The following KCNN2 variants were observed in gnomAD, a reference collection of about 807,000 sequenced individuals.
KCNN2 encodes small conductance calcium-activated potassium channel protein 2.
In KCNN2, 24 loss-of-function variants were observed where a neutral mutation model predicts 55.5. That is an observed-to-expected ratio of 0.43 (90% CI 0.31 to 0.61). The LOEUF (loss-of-function observed/expected upper bound fraction) is 0.61, where lower values mean the gene tolerates loss of function less well. Ranked by LOEUF, KCNN2 falls within the 20% of genes least tolerant of loss-of-function variation. KCNN2 has a pLI of 0.08. For synonymous variants in KCNN2, 431 were observed against 336.1 expected (o/e 1.28, Z -3.09); for missense variants, 754 against 853.6 (o/e 0.88, Z 1.45).
intron 5 of KCNN2, among the ~76,000 whole-genome samples, chr5:114,474,525 A>G (rs554562058): frequency 6.6e-6 from 1 of 152,252 alleles, no homozygotes; most frequent in East Asian, 1.9e-4. Context: ...GCAGGGAAAA[A>G]GGTCAATGAG....
At chr5:114,251,348 G>C (rs1754855766) in intron 2 of KCNN2, among the ~76,000 whole-genome samples, 1 of 152,206 alleles carries the variant, frequency 6.6e-6, no homozygotes, top group Non-Finnish European at 1.5e-5. Context: ...AGCTTGGTTT[G>C]AATCCTCCTA....
At chr5:114,398,149 T>C (rs557332505) in intron 2 of KCNN2, among the ~76,000 whole-genome samples, 1 of 152,316 alleles carries the variant, frequency 6.6e-6, no homozygotes, top group South Asian at 2.1e-4. Context: ...GTACAGGGTT[T>C]TTATTGTTTG....
chr5:114,401,011 A>C (rs1490571002), intron 2 of KCNN2, among the ~76,000 whole-genome samples: 1 of 149,788 alleles, frequency 6.7e-6, no homozygotes, highest in Non-Finnish European at 1.5e-5. Flanking sequence ...TCCTAGCAAA[A>C]GTTAGTTTCA....
chr5:114,278,054 A>T (rs1358117601), intron 2 of KCNN2, among the ~76,000 whole-genome samples: 1 of 151,910 alleles, frequency 6.6e-6, no homozygotes, highest in Admixed American at 6.6e-5. Flanking sequence ...GATGTTGATG[A>T]TATTACTTTC....
In KCNN2 at chr5:114,404,456, G is replaced by T; in HGVS notation, c.1237G>T (p.Gly413Ter). 1 of 1,612,818 alleles carries T rather than the reference G, an allele frequency of 6.2e-7. No individual in the cohort carries two copies. The stretch of plus-strand genomic sequence containing the variant: ...TTTTCAGTTGTTCATGGTGGACAAT[G>T]GAGCAGATGACTGGAGAATAGCCAT... ...REIQLFMVDN[G>*]ADDWRIAMTY... Residue 413 changes from glycine to a stop codon, truncating the protein, a stop_gained, in exon 3 of 8, where the codon GGA becomes TGA. Coordinates refer to ENST00000673685, the MANE Select transcript of KCNN2 (RefSeq NM_021614.4). LOFTEE classifies it high-confidence loss of function.
intron 2 of KCNN2, among the ~76,000 whole-genome samples, chr5:114,254,889 A>C (rs1340191997): frequency 6.6e-6 from 1 of 152,164 alleles, no homozygotes; most frequent in African/African-American, 2.4e-5. Flanking sequence ...CCTGTACATA[A>C]TTACATTGAA....
At chr5:114,397,158 AT>A (rs1284497787) in intron 2 of KCNN2, among the ~76,000 whole-genome samples, 1 of 152,082 alleles carries the variant, frequency 6.6e-6, no homozygotes. Flanking sequence ...TGTCTTTGCT[AT>A]TGTGAATACT....
chr5:114,059,714 C>G (rs1342453642), intron 1 of KCNN2, among the ~76,000 whole-genome samples: 1 of 152,118 alleles, frequency 6.6e-6, no homozygotes, highest in African/African-American at 2.4e-5. Context: ...TTACGAGACC[C>G]CAGAGCTACT....
chr5:114,314,128 G>A (rs538364392), intron 2 of KCNN2, among the ~76,000 whole-genome samples: 1 of 152,188 alleles, frequency 6.6e-6, no homozygotes, highest in South Asian at 2.1e-4. Context: ...ACAAAATGAG[G>A]TGGGAGCCGC....
intron 2 of KCNN2, among the ~76,000 whole-genome samples, chr5:114,395,031 A>G (rs558529626): frequency 1.3e-5 from 2 of 152,164 alleles, no homozygotes; most frequent in African/African-American, 4.8e-5. Flanking sequence ...TTGCTGAGCA[A>G]TGCCCTGGAT....
intron 2 of KCNN2, among the ~76,000 whole-genome samples, chr5:114,276,532 AT>A (rs1755491318): frequency 6.6e-6 from 1 of 152,000 alleles, no homozygotes; most frequent in African/African-American, 2.4e-5. Flanking sequence ...GTGCATATAT[AT>A]TTAGGATAGT....
chr5:114,189,686 T>A (rs1262515003), intron 1 of KCNN2, among the ~76,000 whole-genome samples: 1 of 152,182 alleles, frequency 6.6e-6, no homozygotes. Context: ...CAGCATCCTA[T>A]GAAATAGGTA....
intron 2 of KCNN2, among the ~76,000 whole-genome samples, chr5:114,383,156 G>A (rs1474619314): frequency 3.9e-5 from 6 of 152,102 alleles, no homozygotes; most frequent in Admixed American, 3.3e-4. Context: ...GTTTAGCTGG[G>A]TTTTGTGCAG....
intron 2 of KCNN2, among the ~76,000 whole-genome samples, chr5:114,231,218 C>A: frequency 1.9e-5 from 1 of 53,332 alleles, no homozygotes; most frequent in East Asian, 4.3e-4. Flanking sequence ...CGAAAATTTT[C>A]TCCCATGTTG....
Position 114,362,979 on chromosome 5 carries a change from G to T in KCNN2, c.840G>T (p.Val280=), listed in dbSNP as rs1285046356. ...CGTCCTCAGCCCCCGAGATCGTGGT[G>T]TCTAAGCCCGAGCACAACAACTCCA... is the stretch of plus-strand genomic sequence containing the variant. ...AVSSSAPEIV[V]SKPEHNNSNN... The change falls in exon 1 of 8, where the codon GTG becomes GTT. Residue 280 remains valine (V), a synonymous_variant. Transcript: ENST00000673685. 1 of 1,590,240 alleles carries T rather than the reference G, an allele frequency of 6.3e-7. No homozygotes were observed. The highest frequency in any genetic ancestry group is 1.7e-5 in the Admixed American group (1 of 57,956).
At chr5:114,417,109 A>G (rs1449004177) in intron 3 of KCNN2, among the ~76,000 whole-genome samples, 4 of 152,244 alleles carry the variant, frequency 2.6e-5, no homozygotes, top group Non-Finnish European at 4.4e-5. Context: ...TACGAAATGA[A>G]ACATCCAGTA....
intron 2 of KCNN2, among the ~76,000 whole-genome samples, chr5:114,289,920 T>C (rs778474389): frequency 2.6e-5 from 4 of 152,214 alleles, no homozygotes; most frequent in Admixed American, 6.5e-5. Context: ...TTCTTTTGGG[T>C]ACTATTGTAA....
intron 1 of KCNN2, among the ~76,000 whole-genome samples, chr5:114,189,235 G>T (rs1753400828): frequency 6.6e-6 from 1 of 151,888 alleles, no homozygotes; most frequent in African/African-American, 2.4e-5. Flanking sequence ...AGGATCTGCA[G>T]TCTGCCAGGC....
intron 1 of KCNN2, among the ~76,000 whole-genome samples, chr5:114,136,666 T>A (rs1752180546): frequency 6.6e-6 from 1 of 152,158 alleles, no homozygotes; most frequent in African/African-American, 2.4e-5. Context: ...AAAACAGAAA[T>A]GGCATGAAAT....
Sources: gnomAD v4.1 joint callset for allele counts (sites outside exome capture counted in the v4.1 genomes callset) on GRCh38, gnomAD v4.1.1 for gene constraint, MANE v1.5 for transcripts, NCBI Gene and HGNC (gene_info 2026-07-23, HGNC 2026-07-21) for gene names.